Variants in WDR41 observed in about 807,000 individuals in gnomAD.
The protein encoded by WDR41 is WD repeat-containing protein 41.
Under a neutral mutation model 69.3 loss-of-function variants are expected in WDR41, and 63 were observed. The ratio of observed to expected loss-of-function variants is 0.91; its 90% CI spans 0.74 to 1.12. WDR41 has a LOEUF of 1.12. Among genes scored for constraint, WDR41 ranks in the 50% most tolerant of loss-of-function variants. The pLI is 0.00. For missense variants in WDR41, 543 were observed against 534.5 expected, an observed-to-expected ratio of 1.02 and a Z score of -0.16; for synonymous variants, 185 against 192.1, an observed-to-expected ratio of 0.96 and a Z score of 0.31.
At chr5:77,436,426 G>C (rs1223738402) in intron 11 of WDR41, 32 bp from the exon 12 acceptor site, 1 of 1,609,630 alleles carries the variant, frequency 6.2e-7, no homozygotes. Context: ...AAATTACTGT[G>C]CTCTGTACTT....
Position 77,455,635 on chromosome 5 carries a change from T to A in WDR41, c.412-1707A>T, listed in dbSNP as rs532453206. On this transcript the variant is annotated intron_variant, in intron 5 of 12. Transcript: ENST00000296679. Reference sequence around the variant, plus strand: ...TGAGTTAACTTTTGGATATGATATGTGGTAGGGATAAAATTTCATTATTTT... The same window carrying A: ...TGAGTTAACTTTTGGATATGATATGAGGTAGGGATAAAATTTCATTATTTT... Among the ~76,000 whole-genome samples, 238 of 152,296 alleles carry A rather than the reference T, an allele frequency of 1.6e-3. 1 individual carries two copies. The highest frequency in any genetic ancestry group is 4.6e-3 in the African/African-American group (191 of 41,576).
intron 2 of WDR41, among the ~76,000 whole-genome samples, chr5:77,468,908 A>G (rs1485283002): frequency 1.5e-5 from 1 of 65,246 alleles, no homozygotes; most frequent in African/African-American, 1.0e-4. Flanking sequence ...TATATCTCTA[A>G]AGTCTCTTTT....
chr5:77,586,282 G>GTATT (rs199821333), intron 1 of WDR41, among the ~76,000 whole-genome samples: 56 of 148,538 alleles, frequency 3.8e-4, no homozygotes, highest in East Asian at 9.8e-4. Flanking sequence ...TTTATATTTT[G>GTATT]TATTTATTTA....
chr5:77,436,513 A>G, intron 11 of WDR41, 119 bp from the exon 12 acceptor site: 2 of 1,219,550 alleles, frequency 1.6e-6, no homozygotes, highest in South Asian at 1.4e-5. Flanking sequence ...GGCTAAGTGG[A>G]CAGTACCTGA....
intron 7 of WDR41, among the ~76,000 whole-genome samples, chr5:77,450,299 T>A (rs922851325): frequency 2.0e-5 from 3 of 152,204 alleles, no homozygotes; most frequent in African/African-American, 7.2e-5. Flanking sequence ...AAGTTTAACT[T>A]CAACTCAGTG....
rs201185790 is a variant in WDR41, at chr5:77,438,374, G to T, written c.883-13C>A. ...CAGCAAATACATTCTAGGGGAAGAAGTTCAGAAATGGGCATAAAACTAGCA... is the reference window on the plus strand; with the variant it reads ...CAGCAAATACATTCTAGGGGAAGAATTTCAGAAATGGGCATAAAACTAGCA... On this transcript the variant is annotated splice_polypyrimidine_tract_variant and intron_variant, in intron 9 of 12. Transcript: ENST00000296679. 6.2e-7 allele frequency: 1 copy of T among 1,613,438 alleles called. No individual in the cohort carries two copies. Among genetic ancestry groups the T allele is most frequent in the Non-Finnish European group, 8.5e-7 (1 of 1,179,552 alleles).
intron 1 of WDR41, among the ~76,000 whole-genome samples, chr5:77,595,394 A>G (rs1309221281): frequency 1.3e-5 from 2 of 152,146 alleles, no homozygotes; most frequent in African/African-American, 4.8e-5. Flanking sequence ...GACTCCAGTA[A>G]CAGTTACCAG....
intron 1 of WDR41, among the ~76,000 whole-genome samples, chr5:77,533,728 A>C (rs1005005802): frequency 5.3e-5 from 8 of 152,186 alleles, no homozygotes; most frequent in African/African-American, 1.9e-4. Context: ...AAAGAGTAAA[A>C]TAATATACTA....
chr5:77,436,014 A>C (rs1382135729), intron 12 of WDR41, among the ~76,000 whole-genome samples: 2 of 152,182 alleles, frequency 1.3e-5, no homozygotes, highest in African/African-American at 4.8e-5. Context: ...AGCTATCTCC[A>C]GCTCCTAAAT....
chr5:77,485,719 C>T (rs1485396299), intron 2 of WDR41, among the ~76,000 whole-genome samples: 3 of 151,878 alleles, frequency 2.0e-5, no homozygotes, highest in Admixed American at 1.3e-4. Context: ...CTCATCAATA[C>T]GACCCTCACT....
chr5:77,529,019 C>A (rs1802486646), intron 1 of WDR41, among the ~76,000 whole-genome samples: 1 of 151,396 alleles, frequency 6.6e-6, no homozygotes, highest in African/African-American at 2.4e-5. Context: ...TTGTACTGAA[C>A]TTTGTACTGT....
chr5:77,572,543 T>C (rs1471327274), intron 1 of WDR41, among the ~76,000 whole-genome samples: 1 of 152,212 alleles, frequency 6.6e-6, no homozygotes, highest in Non-Finnish European at 1.5e-5. Flanking sequence ...TGTTGAGTCA[T>C]TATAGACATT....
chr5:77,478,575 C>G (rs1439576703), intron 2 of WDR41, among the ~76,000 whole-genome samples: 2 of 152,124 alleles, frequency 1.3e-5, no homozygotes, highest in African/African-American at 4.8e-5. Context: ...AGACAAAAAC[C>G]ACATGATTAT....
At chr5:77,498,410 AT>A (rs987011105) in intron 1 of WDR41, among the ~76,000 whole-genome samples, 1 of 152,238 alleles carries the variant, frequency 6.6e-6, no homozygotes, top group Admixed American at 6.5e-5. Flanking sequence ...GTGCTAGACA[AT>A]TTGACATCCA....
chr5:77,436,240 T>G (rs1798930250), intron 12 of WDR41, 21 bp downstream of exon 12: 2 of 1,602,282 alleles, frequency 1.2e-6, no homozygotes. Context: ...GCTTGGACAT[T>G]CTGTGGCTAA....
At chr5:77,475,818 G>A (rs1800894389) in intron 2 of WDR41, among the ~76,000 whole-genome samples, 2 of 152,198 alleles carry the variant, frequency 1.3e-5, no homozygotes, top group Admixed American at 6.5e-5. Context: ...AAAGCTGGAT[G>A]GAGAATGACT....
At chr5:77,527,106 A>G (rs949824699) in intron 1 of WDR41, among the ~76,000 whole-genome samples, 4 of 152,018 alleles carry the variant, frequency 2.6e-5, no homozygotes, top group African/African-American at 9.7e-5. Flanking sequence ...AAGTTTAGTA[A>G]AAGCCAAATT....
intron 1 of WDR41, chr5:77,491,748 T>G: frequency 5.6e-6 from 1 of 178,058 alleles, no homozygotes; most frequent in Non-Finnish European, 1.2e-5. Flanking sequence ...GAGACACCAA[T>G]TCAAATAAAC....
chr5:77,518,433 AATT>A (rs1424261056), intron 1 of WDR41, among the ~76,000 whole-genome samples: 2 of 152,120 alleles, frequency 1.3e-5, no homozygotes, highest in East Asian at 3.9e-4. Flanking sequence ...AATAAATGGT[AATT>A]ATTATTCTGC....
Sources: allele counts gnomAD v4.1 joint callset (sites outside exome capture counted in the v4.1 genomes callset), GRCh38; gene constraint gnomAD v4.1.1; transcripts MANE v1.5; gene names NCBI Gene and HGNC (gene_info 2026-07-23, HGNC 2026-07-21).